TUBGCP6: variants seen among roughly 807,000 people sequenced by gnomAD.
TUBGCP6 encodes the protein tubulin gamma complex component 6.
Under a neutral mutation model 175.8 loss-of-function variants are expected in TUBGCP6, and 161 were observed. The observed-to-expected ratio is 0.92, with a 90% confidence interval of 0.81 to 1.04. The LOEUF (loss-of-function observed/expected upper bound fraction) is 1.04, where lower values mean the gene tolerates loss of function less well. TUBGCP6 is among the 50% of genes least tolerant of loss of function. TUBGCP6 has a pLI of 0.00. For missense variants in TUBGCP6, 2,572 were observed against 2,433.0 expected, an observed-to-expected ratio of 1.06 and a Z score of -1.20; for synonymous variants, 1,173 against 1,030.5, an observed-to-expected ratio of 1.14 and a Z score of -2.65.
chr22:50,217,817 C>T lies in TUBGCP6; in HGVS notation c.5379G>A (p.Lys1793=), dbSNP rs2064440426. The change falls in exon 25 of 25, where the codon AAG becomes AAA. Residue 1793 remains lysine (K), a synonymous_variant. Transcript: ENST00000248846. ...YSHFLFKVVT[K]LVNRGYQPHL... Reference sequence around the variant, plus strand: ...GGGGCTGGTAGCCGCGGTTCACCAGCTTGGTCACCACTGGGGACCAGCGAG... The same window carrying T: ...GGGGCTGGTAGCCGCGGTTCACCAGTTTGGTCACCACTGGGGACCAGCGAG... 1.2e-6 allele frequency: 2 copies of T among 1,613,912 alleles called. No individual in the cohort carries two copies. The highest frequency in any genetic ancestry group is 1.3e-5 in the African/African-American group (1 of 75,048).
At chr22:50,240,792 C>A (rs1336640945) in intron 1 of TUBGCP6, among the ~76,000 whole-genome samples, 2 of 152,220 alleles carry the variant, frequency 1.3e-5, no homozygotes, top group Admixed American at 1.3e-4. Flanking sequence ...GAGTTTGAGA[C>A]CAGCCTGGCC....
intron 17 of TUBGCP6, 66 bp downstream of exon 17, chr22:50,219,891 G>GT (rs1555907111): frequency 1.2e-6 from 2 of 1,604,810 alleles, no homozygotes; most frequent in African/African-American, 2.7e-5. Flanking sequence ...ACCCACCCGC[G>GT]TGACAACCTA....
chr22:50,242,275 G>T (rs929350055), intron 1 of TUBGCP6, among the ~76,000 whole-genome samples: 5 of 151,724 alleles, frequency 3.3e-5, no homozygotes, highest in Non-Finnish European at 5.9e-5. Context: ...CTGGGCGACA[G>T]AGCGAGACTG....
chr22:50,232,540 G>A (rs12169144), intron 3 of TUBGCP6, among the ~76,000 whole-genome samples: 1 of 151,670 alleles, frequency 6.6e-6, no homozygotes, highest in Non-Finnish European at 1.5e-5. Flanking sequence ...GCCTGGGCAA[G>A]AGAGAGACCC....
chr22:50,229,602 TCA>T (rs1377570487), intron 3 of TUBGCP6, 25 bp from the exon 4 acceptor site: 1 of 1,563,334 alleles, frequency 6.4e-7, no homozygotes, highest in Non-Finnish European at 8.7e-7. Context: ...AGGACACTGG[TCA>T]CAGAGGCCAG....
chr22:50,219,607 C>A (rs1602505857), intron 18 of TUBGCP6, 37 bp downstream of exon 18: 13 of 1,607,302 alleles, frequency 8.1e-6, no homozygotes, highest in Non-Finnish European at 1.1e-5. Context: ...AACCAGCCAG[C>A]CCAGGGCTCC....
Position 50,221,102 on chromosome 22 carries a change from G to C in TUBGCP6, c.3257C>G (p.Ala1086Gly), listed in dbSNP as rs149389978. Residue 1086 changes from alanine (A) to glycine (G), a missense_variant, in exon 16 of 25, where the codon GCC becomes GGC. Coordinates refer to ENST00000248846, the MANE Select transcript of TUBGCP6 (RefSeq NM_020461.4). ...CACAGACTCCCCTAAGCTGATGCTG[G>C]CATTGGATACGTGTCCGTGGGTGTT... ...RWNTHGHVSN[A>G]SISLGESVSD... 1.2e-5 allele frequency: 19 copies of C among 1,613,084 alleles called. No homozygotes were observed. The African/African-American group carries it at 2.3e-4, about 19-fold the overall frequency.
In TUBGCP6 at chr22:50,222,554, T is replaced by C; in HGVS notation, c.2309A>G (p.Glu770Gly). 6.2e-7 allele frequency: 1 copy of C among 1,613,236 alleles called. No homozygotes were observed. The highest frequency in any genetic ancestry group is 8.5e-7 in the Non-Finnish European group (1 of 1,180,026). ...TGCCTTCTGCTCCCGACGAGCTGCC[T>C]CTGCAGAGAGCTTGCTGTAGTGGTC... ...LVDHYSKLSA[E>G]AARREQKALW... Residue 770 changes from glutamate (E) to glycine (G), a missense_variant, in exon 14 of 25, where the codon GAG becomes GGG. Physicochemically the swap from Glu to Gly is moderately conservative, Grantham distance 98. Coordinates refer to ENST00000248846, the MANE Select transcript of TUBGCP6 (RefSeq NM_020461.4).
At chr22:50,229,334 G>A in intron 4 of TUBGCP6, 70 bp downstream of exon 4, 1 of 1,539,854 alleles carries the variant, frequency 6.5e-7, no homozygotes, top group Non-Finnish European at 8.9e-7. Context: ...GGACCTCTGA[G>A]ATTCTCTCTT....
chr22:50,224,179 C>T lies in TUBGCP6; in HGVS notation c.2232G>A (p.Arg744=). ...YARELRDRER[R]LKSLEEELER... ...CCAGCTCCTCCTCCAGGGACTTCAG[C>T]CTTCTCTCCCTGTCTCGGAGTTCAC... Residue 744 remains arginine, a synonymous_variant, in exon 13 of 25, where the codon AGG becomes AGA. Transcript: ENST00000248846. 1 of 1,614,072 alleles carries T rather than the reference C, an allele frequency of 6.2e-7. No individual in the cohort carries two copies. Among genetic ancestry groups the T allele is most frequent in the Non-Finnish European group, 8.5e-7 (1 of 1,180,016 alleles).
At position 50,220,233 on chromosome 22, in the gene TUBGCP6, C is replaced by G; in HGVS notation, c.4108+18G>C. On this transcript the variant is annotated intron_variant, in intron 16 of 24. Transcript: ENST00000248846. Reference sequence around the variant, plus strand: ...GTCCCACAGTCCCACTCCTGACCACCAGCCACCCTACTCTGACCTAGTTCT... The same window carrying G: ...GTCCCACAGTCCCACTCCTGACCACGAGCCACCCTACTCTGACCTAGTTCT... The G allele has an allele frequency of 6.5e-7, 1 of 1,543,862 alleles. No homozygotes were observed. The highest frequency in any genetic ancestry group is 8.8e-7 in the Non-Finnish European group (1 of 1,140,994).
At position 50,229,568 on chromosome 22, in the gene TUBGCP6, C is replaced by T; in HGVS notation, c.1126G>A (p.Ala376Thr). Residue 376 changes from alanine to threonine, a missense_variant, in exon 4 of 25, where the codon GCC becomes ACC. Ala to Thr is a moderately conservative substitution (Grantham distance 58, BLOSUM62 0). Coordinates refer to ENST00000248846, the MANE Select transcript of TUBGCP6 (RefSeq NM_020461.4). ...TGGACGCCCCGCTTCACCACAAAGG[C>T]CTGGGCCGGCTGCACAGGGGCAGAG... is the stretch of plus-strand genomic sequence containing the variant. ...ATFSLCQPAQ[A>T]FVVKRGVHVS... is the part of the protein sequence containing the mutation. 6.3e-7 allele frequency: 1 copy of T among 1,591,344 alleles called. No individual in the cohort carries two copies. Among genetic ancestry groups the T allele is most frequent in the Non-Finnish European group, 8.5e-7 (1 of 1,169,876 alleles).
chr22:50,228,356 T>G (rs1207513516), intron 4 of TUBGCP6, among the ~76,000 whole-genome samples: 3 of 149,832 alleles, frequency 2.0e-5, no homozygotes, highest in Non-Finnish European at 4.4e-5. Flanking sequence ...TCCTCTCATC[T>G]GAGCCCAGCT....
chr22:50,217,806 C>T lies in TUBGCP6; in HGVS notation c.5390G>A (p.Arg1797His), dbSNP rs779389082. ...LFKVVTKLVN[R>H]GYQPHLEDFL... Reference sequence around the variant, plus strand: ...GTCCTCCAGGTGGGGCTGGTAGCCGCGGTTCACCAGCTTGGTCACCACTGG... The same window carrying T: ...GTCCTCCAGGTGGGGCTGGTAGCCGTGGTTCACCAGCTTGGTCACCACTGG... The change falls in exon 25 of 25, where the codon CGC becomes CAC. Residue 1797 changes from arginine to histidine, a missense_variant. Transcript: ENST00000248846. 5.2e-5 allele frequency: 84 copies of T among 1,613,822 alleles called. 1 individual carries two copies. The highest frequency in any genetic ancestry group is 1.3e-4 in the East Asian group (6 of 44,884).
chr22:50,224,408 G>A lies in TUBGCP6; in HGVS notation c.2078C>T (p.Ser693Leu). The A allele has an allele frequency of 1.2e-6, 2 of 1,614,180 alleles. No individual in the cohort carries two copies. Among genetic ancestry groups the A allele is most frequent in the Non-Finnish European group, 1.7e-6 (2 of 1,180,044 alleles). The change falls in exon 12 of 25, where the codon TCA (serine) becomes TTA (leucine). Residue 693 changes from serine to leucine, a missense_variant. Physicochemically the swap from Ser to Leu is moderately radical, Grantham distance 145 (BLOSUM62 -2). Coordinates refer to ENST00000248846, the MANE Select transcript of TUBGCP6 (RefSeq NM_020461.4). ...CCGGGCATCCAAGGCCATCCGTTCT[G>A]ACATCTGCCGGTCTACATTGGGACA... ...VLSALSDRQM[S>L]ERMALDARKR... is the part of the protein sequence containing the mutation.
rs1601591731 is a variant in TUBGCP6 at position 50,225,938 on chromosome 22, G to A, written c.1839C>T (p.Tyr613=). The part of the protein sequence containing the change: ...NLLKLCCPRH[Y]LCWSDVPVPR... ...GGACAGGGACGTCGGACCAACAGAG[G>A]TAATGCTGCCAAAGGGGATGCAAGC... Residue 613 remains tyrosine, a synonymous_variant, in exon 10 of 25, where the codon TAC becomes TAT. Coordinates refer to ENST00000248846, the MANE Select transcript of TUBGCP6 (RefSeq NM_020461.4). The A allele has an allele frequency of 1.9e-6, 3 of 1,613,536 alleles. No homozygotes were observed. The highest frequency in any genetic ancestry group is 2.5e-6 in the Non-Finnish European group (3 of 1,179,842).
At chr22:50,225,742 G>A (rs763111617) in intron 10 of TUBGCP6, 52 bp downstream of exon 10, 121 of 1,569,608 alleles carry the variant, frequency 7.7e-5, no homozygotes, top group Non-Finnish European at 9.8e-5. Context: ...TGAGACCCCA[G>A]GAAGCAGAGG....
In TUBGCP6 at chr22:50,219,474, C is replaced by G; in HGVS notation, c.4316-18G>C. 1 of 1,590,364 alleles carries G rather than the reference C, an allele frequency of 6.3e-7. No homozygotes were observed. The highest frequency in any genetic ancestry group is 8.6e-7 in the Non-Finnish European group (1 of 1,169,586). ...CGGCTCGGCTGCGGGAGATGGAGCACGCACGTGCTGGGAACCGGCCAGCCC... is the reference window on the plus strand; with the variant it reads ...CGGCTCGGCTGCGGGAGATGGAGCAGGCACGTGCTGGGAACCGGCCAGCCC... On this transcript the variant is annotated intron_variant, in intron 18 of 24. Transcript: ENST00000248846.
chr22:50,233,254 C>A (rs954567985), intron 3 of TUBGCP6, 62 bp downstream of exon 3: 1 of 1,562,440 alleles, frequency 6.4e-7, no homozygotes, highest in East Asian at 2.4e-5. Flanking sequence ...AAGGGCTGGG[C>A]ACTGCGTGGT....
Sources: allele counts gnomAD v4.1 joint callset (sites outside exome capture counted in the v4.1 genomes callset), GRCh38; gene constraint gnomAD v4.1.1; transcripts MANE v1.5; gene names NCBI Gene and HGNC (gene_info 2026-07-23, HGNC 2026-07-21).